ZNF804A: variants seen among roughly 807,000 people sequenced by gnomAD.
ZNF804A encodes zinc finger protein 804A.
ZNF804A carries 2 observed loss-of-function variants against 16.5 expected under a neutral mutation model. That is an observed-to-expected ratio of 0.12 (90% CI 0.05 to 0.38). The LOEUF (loss-of-function observed/expected upper bound fraction) is 0.38. ZNF804A is among the 10% of genes least tolerant of loss of function. ZNF804A has a pLI of 0.99. For missense variants in ZNF804A, 1,473 were observed against 1,390.7 expected (o/e 1.06, Z -0.94); for synonymous variants, 534 against 489.6 (o/e 1.09, Z -1.20).
intron 1 of ZNF804A, among the ~76,000 whole-genome samples, chr2:184,628,914 T>C (rs543679385): frequency 1.3e-5 from 2 of 152,308 alleles, no homozygotes; most frequent in Non-Finnish European, 2.9e-5. Flanking sequence ...AATACATTTT[T>C]TACACACTTA....
chr2:184,839,098 ACGTAC>A (rs1268125732), intron 1 of ZNF804A, among the ~76,000 whole-genome samples: 1 of 152,096 alleles, frequency 6.6e-6, no homozygotes, highest in Non-Finnish European at 1.5e-5. Flanking sequence ...CATGTTCATG[ACGTAC>A]TTTAAGAAGT....
At chr2:184,656,068 T>A (rs998371852) in intron 1 of ZNF804A, among the ~76,000 whole-genome samples, 11 of 152,180 alleles carry the variant, frequency 7.2e-5, no homozygotes, top group African/African-American at 1.9e-4. Flanking sequence ...GAGCAAATTA[T>A]TAATCAATTA....
intron 1 of ZNF804A, among the ~76,000 whole-genome samples, chr2:184,823,603 C>A (rs976499853): frequency 6.6e-6 from 1 of 151,980 alleles, no homozygotes; most frequent in South Asian, 2.1e-4. Flanking sequence ...AACAAATATG[C>A]CATTAATGTG....
chr2:184,730,026 A>G (rs952015581), intron 1 of ZNF804A, among the ~76,000 whole-genome samples: 4 of 152,142 alleles, frequency 2.6e-5, no homozygotes, highest in Non-Finnish European at 4.4e-5. Flanking sequence ...GGTAACTACT[A>G]CTATTAATAT....
chr2:184,831,098 G>A (rs1012497494), intron 1 of ZNF804A, among the ~76,000 whole-genome samples: 1 of 151,946 alleles, frequency 6.6e-6, no homozygotes, highest in Non-Finnish European at 1.5e-5. Context: ...AGAATAAAAA[G>A]GCATATTTTC....
Position 184,710,068 on chromosome 2 carries a change from T to C in ZNF804A, c.111+110998T>C, listed in dbSNP as rs560777904. Among the ~76,000 whole-genome samples, 13 of 151,444 alleles carry C rather than the reference T, an allele frequency of 8.6e-5. No individual in the cohort carries two copies. In the South Asian group the frequency reaches 2.7e-3, roughly 31 times the overall value. ...ACATTTGTATCTGTTTTTTTATTTG[T>C]TATTCTTTTTCTTAATACAATGGAA... On this transcript the variant is annotated intron_variant, in intron 1 of 3. Coordinates refer to ENST00000302277, the MANE Select transcript of ZNF804A (RefSeq NM_194250.2).
At chr2:184,686,649 A>G (rs1321144028) in intron 1 of ZNF804A, among the ~76,000 whole-genome samples, 1 of 152,122 alleles carries the variant, frequency 6.6e-6, no homozygotes, top group Non-Finnish European at 1.5e-5. Flanking sequence ...GAACTAATTT[A>G]TGTTCCCACC....
intron 1 of ZNF804A, among the ~76,000 whole-genome samples, chr2:184,753,544 TG>T (rs1409470539): frequency 2.0e-5 from 3 of 151,806 alleles, no homozygotes; most frequent in African/African-American, 7.2e-5. Flanking sequence ...TTGGATGGCC[TG>T]TGATACTGTA....
chr2:184,829,899 C>CAAAAAAAAAAAAAAAAAAAAA (rs1244566222), intron 1 of ZNF804A, among the ~76,000 whole-genome samples: 206 of 38,690 alleles, frequency 5.3e-3, no homozygotes, highest in East Asian at 8.6e-3. Flanking sequence ...CTGTCTCTAC[C>CAAAAAAAAAAAAAAAAAAAAA]AAAAAAAAAA....
At chr2:184,757,247 A>G (rs1046239779) in intron 1 of ZNF804A, among the ~76,000 whole-genome samples, 5 of 152,024 alleles carry the variant, frequency 3.3e-5, no homozygotes, top group Non-Finnish European at 2.9e-5. Context: ...ATTCATGTCA[A>G]TGTGAACTTC....
At chr2:184,710,535 T>C (rs537547614) in intron 1 of ZNF804A, among the ~76,000 whole-genome samples, 1 of 151,908 alleles carries the variant, frequency 6.6e-6, no homozygotes, top group East Asian at 1.9e-4. Context: ...ACATGATATG[T>C]AGCCTCTCAA....
At chr2:184,614,600 C>A (rs750960453) in intron 1 of ZNF804A, among the ~76,000 whole-genome samples, 1 of 152,060 alleles carries the variant, frequency 6.6e-6, no homozygotes, top group Non-Finnish European at 1.5e-5. Flanking sequence ...CTTTAACTCT[C>A]ACAATTAATT....
Position 184,806,235 on chromosome 2 carries a change from G to A in ZNF804A, c.112-60134G>A, listed in dbSNP as rs534820153. 1.4e-3 allele frequency among the ~76,000 whole-genome samples: 215 copies of A among 152,034 alleles called. 1 individual carries two copies. The highest frequency in any genetic ancestry group is 2.8e-3 in the Non-Finnish European group (188 of 67,854). ...GAGCACTGCAGGAAGGAAAACACCT[G>A]TAACTTCTGCTGGCAAAAATTTCAT... On this transcript the variant is annotated intron_variant, in intron 1 of 3. Transcript: ENST00000302277.
At chr2:184,626,019 C>A (rs527640423) in intron 1 of ZNF804A, among the ~76,000 whole-genome samples, 40 of 152,246 alleles carry the variant, frequency 2.6e-4, no homozygotes, top group African/African-American at 9.4e-4. Context: ...CAGGTGCCCG[C>A]CACCACGCCC....
chr2:184,770,211 T>C (rs530306999), intron 1 of ZNF804A, among the ~76,000 whole-genome samples: 2 of 152,204 alleles, frequency 1.3e-5, no homozygotes, highest in South Asian at 2.1e-4. Flanking sequence ...AGGGAAGTTA[T>C]AGTAACAAAT....
chr2:184,646,298 A>G (rs1226639944), intron 1 of ZNF804A, among the ~76,000 whole-genome samples: 1 of 152,188 alleles, frequency 6.6e-6, no homozygotes, highest in Non-Finnish European at 1.5e-5. Flanking sequence ...GAAGAGTGCT[A>G]CTACAGCTGT....
chr2:184,677,078 AT>A (rs1692450431), intron 1 of ZNF804A, among the ~76,000 whole-genome samples: 1 of 151,754 alleles, frequency 6.6e-6, no homozygotes, highest in African/African-American at 2.4e-5. Context: ...AAAAACATTT[AT>A]TTTTTCCCTA....
At chr2:184,690,491 A>G (rs927931527) in intron 1 of ZNF804A, among the ~76,000 whole-genome samples, 1 of 152,082 alleles carries the variant, frequency 6.6e-6, no homozygotes, top group East Asian at 1.9e-4. Context: ...TTGAATTGAG[A>G]TAGAATACTT....
At chr2:184,700,567 A>T (rs1055517245) in intron 1 of ZNF804A, among the ~76,000 whole-genome samples, 1 of 152,132 alleles carries the variant, frequency 6.6e-6, no homozygotes, top group Admixed American at 6.6e-5. Context: ...TTATGAACTG[A>T]CATTAGGGCA....
Sources: allele counts gnomAD v4.1 joint callset (sites outside exome capture counted in the v4.1 genomes callset), GRCh38; gene constraint gnomAD v4.1.1; transcripts MANE v1.5; gene names NCBI Gene and HGNC (gene_info 2026-07-23, HGNC 2026-07-21).